Variants in ICAM4 observed in about 807,000 individuals in gnomAD.
ICAM4 encodes intercellular adhesion molecule 4 (Landsteiner-Wiener blood group).
Under a neutral mutation model 18.8 loss-of-function variants are expected in ICAM4, and 16 were observed. That is an observed-to-expected ratio of 0.85 (90% CI 0.58 to 1.29). The LOEUF is 1.29. Among genes scored for constraint, ICAM4 ranks in the 50% most tolerant of loss-of-function variants. The probability of loss-of-function intolerance (pLI) is 0.00; values close to 1 mark genes in which losing one functional copy is unlikely to be tolerated. For synonymous variants in ICAM4, 163 were observed against 163.2 expected (o/e 1.00, Z 0.01); for missense variants, 338 against 364.3 (o/e 0.93, Z 0.59).
At position 10,287,248 on chromosome 19, in the gene ICAM4, C is replaced by G. The variant is rs926989801; in HGVS notation, c.236C>G (p.Ser79Cys). Residue 79 changes from serine (S) to cysteine (C), a missense_variant, in exon 1 of 3, where the codon TCC becomes TGC. By Grantham distance (112) the Ser-to-Cys change is moderately radical. Transcript: ENST00000380770. The surrounding 1 kb of genome is among the most constrained non-coding windows in gnomAD (Gnocchi z 8.7). ...CSNSCPQPQN[S>C]SLRTPLRQGK... ...AACAGCTGTCCCCAGCCGCAGAATTCCAGCCTCCGCACCCCGCTGCGGCAA... is the reference window on the plus strand; with the variant it reads ...AACAGCTGTCCCCAGCCGCAGAATTGCAGCCTCCGCACCCCGCTGCGGCAA... The G allele has an allele frequency of 1.2e-6, 2 of 1,613,552 alleles. No homozygotes were observed. The highest frequency in any genetic ancestry group is 1.7e-6 in the Non-Finnish European group (2 of 1,179,978).
Position 10,288,284 on chromosome 19 carries a change from C to CA in ICAM4, c.*186dup, listed in dbSNP as rs2040138969. The stretch of plus-strand genomic sequence containing the variant: ...ACAACATAGTGAGACCCCGTCTATG[C>CA]AAAAAATACACAAATTAGCCTGGTG... On this transcript the variant is annotated 3_prime_UTR_variant, in exon 3 of 3. Coordinates refer to ENST00000380770, the MANE Select transcript of ICAM4 (RefSeq NM_001544.5). The CA allele has an allele frequency of 7.6e-6, 7 of 915,608 alleles. No individual in the cohort carries two copies. The highest frequency in any genetic ancestry group is 1.2e-5 in the Non-Finnish European group (7 of 587,520). 56.7% of individuals were successfully genotyped at this position (915,608 alleles called of 1,614,324 possible).
Position 10,287,999 on chromosome 19 carries a change from G to A in ICAM4, c.711G>A (p.Ala237=), listed in dbSNP as rs758114506. 4 of 1,614,030 alleles carry A rather than the reference G, an allele frequency of 2.5e-6. No individual in the cohort carries two copies. The highest frequency in any genetic ancestry group is 1.7e-5 in the Admixed American group (1 of 60,008). The stretch of plus-strand genomic sequence containing the variant: ...TTCTGCTCCCAGCTTGGAGCCCCGC[G>A]CCCACAGCTTTGGCCTCCGGTTCCA... ...PITLMLAWSP[A]PTALASGSIA... The change falls in exon 3 of 3, where the codon GCG becomes GCA. Residue 237 remains alanine (A), a synonymous_variant. Coordinates refer to ENST00000380770, the MANE Select transcript of ICAM4 (RefSeq NM_001544.5). This position sits in a 1 kb window ranked among gnomAD's most constrained non-coding sequence, Gnocchi z 8.7.
Position 10,288,242 on chromosome 19 carries a change from G to A in ICAM4, c.*138G>A, listed in dbSNP as rs56392518. 7.4e-7 allele frequency: 1 copy of A among 1,354,826 alleles called. No homozygotes were observed. Among genetic ancestry groups the A allele is most frequent in the Non-Finnish European group, 1.0e-6 (1 of 961,464 alleles). The allele number at this position is 1,354,826 out of a possible 1,614,324, so 83.9% of individuals were successfully genotyped here. A position where few individuals can be genotyped will look rare whatever the true frequency, so the allele number is the denominator to read the frequency against. On this transcript the variant is annotated 3_prime_UTR_variant, in exon 3 of 3. Transcript: ENST00000380770. ...GCAGGAGAATCGCTTGAGCCCAGGAGTTCGAGACCAGCCTGGACAACATAG... is the reference window on the plus strand; with the variant it reads ...GCAGGAGAATCGCTTGAGCCCAGGAATTCGAGACCAGCCTGGACAACATAG...
At position 10,287,435 on chromosome 19, in the gene ICAM4, G is replaced by C; in HGVS notation, c.394+29G>C. 2 of 1,591,224 alleles carry C rather than the reference G, an allele frequency of 1.3e-6. No individual in the cohort carries two copies. The highest frequency in any genetic ancestry group is 1.7e-6 in the Non-Finnish European group (2 of 1,167,658). On this transcript the variant is annotated intron_variant, in intron 1 of 2. Transcript: ENST00000380770. This position sits in a 1 kb window ranked among gnomAD's most constrained non-coding sequence, Gnocchi z 8.7. ...AGGGACAGGGGCTCGGTCCCGGCTGGGGTGAGGGGAGGGGGCTGGAAGAGG... is the reference window on the plus strand; with the variant it reads ...AGGGACAGGGGCTCGGTCCCGGCTGCGGTGAGGGGAGGGGGCTGGAAGAGG...
chr19:10,287,861 G>A lies in ICAM4; in HGVS notation c.697+23G>A. 8 of 1,608,494 alleles carry A rather than the reference G, an allele frequency of 5.0e-6. No individual in the cohort carries two copies. The highest frequency in any genetic ancestry group is 6.8e-6 in the Non-Finnish European group (8 of 1,179,144). On this transcript the variant is annotated intron_variant, in intron 2 of 2. Transcript: ENST00000380770. The surrounding 1 kb of genome is among the most constrained non-coding windows in gnomAD (Gnocchi z 8.7). ...TCGGTGAGGCACCCCTGTAACCCTG[G>A]GGACTAGGAGGAAGGGGGCAGAGAG...
rs2040124389 is a variant in ICAM4 at position 10,287,433 on chromosome 19, T to C, written c.394+27T>C. ...TGAGGGACAGGGGCTCGGTCCCGGC[T>C]GGGGTGAGGGGAGGGGGCTGGAAGA... On this transcript the variant is annotated intron_variant, in intron 1 of 2. Coordinates refer to ENST00000380770, the MANE Select transcript of ICAM4 (RefSeq NM_001544.5). The surrounding 1 kb of genome is among the most constrained non-coding windows in gnomAD (Gnocchi z 8.7). The C allele has an allele frequency of 6.3e-7, 1 of 1,591,440 alleles. No homozygotes were observed. The highest frequency in any genetic ancestry group is 8.6e-7 in the Non-Finnish European group (1 of 1,167,790).
In ICAM4 at chr19:10,287,566, C is replaced by T; in HGVS notation, c.425C>T (p.Pro142Leu). 3 of 1,613,752 alleles carry T rather than the reference C, an allele frequency of 1.9e-6. No homozygotes were observed. Among genetic ancestry groups the T allele is most frequent in the Non-Finnish European group, 2.5e-6 (3 of 1,179,766 alleles). ...KPPHSVILEP[P>L]VLKGRKYTLR... is the part of the protein sequence containing the mutation. ...CCCCACAGCGTGATTTTGGAGCCTC[C>T]GGTCTTAAAGGGCAGGAAATACACT... Residue 142 changes from proline to leucine, a missense_variant, in exon 2 of 3, where the codon CCG (proline) becomes CTG (leucine). Pro to Leu is a moderately conservative substitution (Grantham distance 98). Transcript: ENST00000380770. This position sits in a 1 kb window ranked among gnomAD's most constrained non-coding sequence, Gnocchi z 8.7.
Position 10,287,527 on chromosome 19 carries a change from T to C in ICAM4, c.395-9T>C, listed in dbSNP as rs1599274443. The C allele has an allele frequency of 1.6e-5, 25 of 1,610,178 alleles. No individual in the cohort carries two copies. Among genetic ancestry groups the C allele is most frequent in the Non-Finnish European group, 2.0e-5 (24 of 1,177,338 alleles). The stretch of plus-strand genomic sequence containing the variant: ...GCGGACCTCACTCAGAGGCTCCCCC[T>C]TGCCTTAGAACCGCCCCACAGCGTG... On this transcript the variant is annotated splice_polypyrimidine_tract_variant and intron_variant, in intron 1 of 2. Transcript: ENST00000380770. This position sits in a 1 kb window ranked among gnomAD's most constrained non-coding sequence, Gnocchi z 8.7.
Position 10,286,999 on chromosome 19 carries a change from C to G in ICAM4, c.-14C>G. 6.7e-7 allele frequency: 1 copy of G among 1,498,458 alleles called. No homozygotes were observed. The highest frequency in any genetic ancestry group is 1.4e-5 in the African/African-American group (1 of 71,830). 92.8% of individuals were successfully genotyped at this position (1,498,458 alleles called of 1,614,324 possible). A position where few individuals can be genotyped will look rare whatever the true frequency, so the allele number is the denominator to read the frequency against. ...GCTCTCTGGCGCGGGGCCCCTTAGT[C>G]CGGGCTTTTTGCCATGGGGTCTCTG... On this transcript the variant is annotated 5_prime_UTR_variant, in exon 1 of 3. Coordinates refer to ENST00000380770, the MANE Select transcript of ICAM4 (RefSeq NM_001544.5).
Position 10,286,967 on chromosome 19 carries a change from G to A in ICAM4, c.-46G>A. ...TGCGGGCCTCCTTATCTCTAGAGCCGGCCCTGGCTCTCTGGCGCGGGGCCC... is the reference window on the plus strand; with the variant it reads ...TGCGGGCCTCCTTATCTCTAGAGCCAGCCCTGGCTCTCTGGCGCGGGGCCC... On this transcript the variant is annotated 5_prime_UTR_variant, in exon 1 of 3. Coordinates refer to ENST00000380770, the MANE Select transcript of ICAM4 (RefSeq NM_001544.5). The A allele has an allele frequency of 6.8e-7, 1 of 1,461,628 alleles. No homozygotes were observed. The highest frequency in any genetic ancestry group is 9.0e-7 in the Non-Finnish European group (1 of 1,112,404). 90.5% of individuals were successfully genotyped at this position (1,461,628 alleles called of 1,614,324 possible).
chr19:10,287,081 G>C lies in ICAM4; in HGVS notation c.69G>C (p.Ala23=), dbSNP rs893969109. 6.3e-7 allele frequency: 1 copy of C among 1,592,944 alleles called. No individual in the cohort carries two copies. The highest frequency in any genetic ancestry group is 8.6e-7 in the Non-Finnish European group (1 of 1,166,798). The change falls in exon 1 of 3, where the codon GCG becomes GCC. Residue 23 remains alanine, a synonymous_variant. Coordinates refer to ENST00000380770, the MANE Select transcript of ICAM4 (RefSeq NM_001544.5). This position sits in a 1 kb window ranked among gnomAD's most constrained non-coding sequence, Gnocchi z 8.7. ...LAAAYPGVGS[A]LGRRTKRAQS... is the part of the protein sequence containing the mutation. ...CCGCCTACCCGGGAGTTGGGAGCGC[G>C]CTGGGACGCCGGACTAAGCGGGCGC... is the stretch of plus-strand genomic sequence containing the variant.
In ICAM4 at chr19:10,288,184, A is replaced by G. The variant is rs750564722; in HGVS notation, c.*80A>G. ...GGGAAATGGCCATACATGGTGGCTG[A>G]CGCCTGTAATCCCAGCACTTTGGGA... On this transcript the variant is annotated 3_prime_UTR_variant, in exon 3 of 3. Coordinates refer to ENST00000380770, the MANE Select transcript of ICAM4 (RefSeq NM_001544.5). The G allele has an allele frequency of 1.7e-5, 28 of 1,610,442 alleles. No homozygotes were observed. The highest frequency in any genetic ancestry group is 2.3e-5 in the Non-Finnish European group (27 of 1,177,816).
In ICAM4 at chr19:10,287,838, G is replaced by A. The variant is rs571059786; in HGVS notation, c.697G>A (p.Ala233Thr). 3 of 1,610,512 alleles carry A rather than the reference G, an allele frequency of 1.9e-6. No homozygotes were observed. Among genetic ancestry groups the A allele is most frequent in the South Asian group, 1.1e-5 (1 of 91,064 alleles). Reference sequence around the variant, plus strand: ...CTCGGCACCCATTACACTGATGCTCGGTGAGGCACCCCTGTAACCCTGGGG... The same window carrying A: ...CTCGGCACCCATTACACTGATGCTCAGTGAGGCACCCCTGTAACCCTGGGG... ...NSSAPITLML[A>T]WSPAPTALAS... The change falls in exon 2 of 3, where the codon GCT (alanine) becomes ACT (threonine). Residue 233 changes from alanine (A) to threonine (T), a missense_variant and splice_region_variant. Transcript: ENST00000380770. This position sits in a 1 kb window ranked among gnomAD's most constrained non-coding sequence, Gnocchi z 8.7.
Position 10,287,247 on chromosome 19 carries a change from T to TC in ICAM4, c.237dup (p.Ser80GlnfsTer220), listed in dbSNP as rs1568297186. 2 of 1,613,462 alleles carry TC rather than the reference T, an allele frequency of 1.2e-6. No homozygotes were observed. Among genetic ancestry groups the TC allele is most frequent in the South Asian group, 2.2e-5 (2 of 91,076 alleles). ...CAACAGCTGTCCCCAGCCGCAGAAT[T>TC]CCAGCCTCCGCACCCCGCTGCGGCA... On this transcript the variant is annotated frameshift_variant, in exon 1 of 3. Transcript: ENST00000380770. LOFTEE classifies it high-confidence loss of function. The surrounding 1 kb of genome is among the most constrained non-coding windows in gnomAD (Gnocchi z 8.7).
Position 10,287,036 on chromosome 19 carries a change from G to C in ICAM4, c.24G>C (p.Ser8=). 1 of 1,558,606 alleles carries C rather than the reference G, an allele frequency of 6.4e-7. No individual in the cohort carries two copies. The highest frequency in any genetic ancestry group is 8.7e-7 in the Non-Finnish European group (1 of 1,151,734). The change falls in exon 1 of 3, where the codon TCG becomes TCC. Residue 8 remains serine (S), a synonymous_variant. Transcript: ENST00000380770. The surrounding 1 kb of genome is among the most constrained non-coding windows in gnomAD (Gnocchi z 8.7). MGSLFPL[S]LLFFLAAAYP... is the part of the protein sequence containing the mutation. ...CCATGGGGTCTCTGTTCCCTCTGTC[G>C]CTGCTGTTTTTTTTGGCGGCCGCCT...
Position 10,288,134 on chromosome 19 carries a change from A to C in ICAM4, c.*30A>C, listed in dbSNP as rs747607311. 6.2e-7 allele frequency: 1 copy of C among 1,614,126 alleles called. No individual in the cohort carries two copies. Among genetic ancestry groups the C allele is most frequent in the Non-Finnish European group, 8.5e-7 (1 of 1,180,026 alleles). ...GGATGTTCTATGCCGGCTGAGCGAG[A>C]AAAAGAGGAATATGAAACAATCTGG... On this transcript the variant is annotated 3_prime_UTR_variant, in exon 3 of 3. Coordinates refer to ENST00000380770, the MANE Select transcript of ICAM4 (RefSeq NM_001544.5).
rs1031181728 is a variant in ICAM4 at position 10,287,154 on chromosome 19, T to C, written c.142T>C (p.Phe48Leu). 1.9e-6 allele frequency: 3 copies of C among 1,611,106 alleles called. No individual in the cohort carries two copies. Among genetic ancestry groups the C allele is most frequent in the Non-Finnish European group, 2.5e-6 (3 of 1,178,538 alleles). The stretch of plus-strand genomic sequence containing the variant: ...CGCGCCCTCCGGGACCTCAGTGCCC[T>C]TCTGGGTGCGCATGAGCCCGGAGTT... ...PLAPSGTSVPFWVRMSPEFVA... is the reference protein window; with the variant it reads ...PLAPSGTSVPLWVRMSPEFVA... Residue 48 changes from phenylalanine to leucine, a missense_variant, in exon 1 of 3, where the codon TTC becomes CTC. Coordinates refer to ENST00000380770, the MANE Select transcript of ICAM4 (RefSeq NM_001544.5). The surrounding 1 kb of genome is among the most constrained non-coding windows in gnomAD (Gnocchi z 8.7).
rs375526250 is a variant in ICAM4 at position 10,287,487 on chromosome 19, C to G, written c.395-49C>G. The G allele has an allele frequency of 1.9e-6, 3 of 1,598,612 alleles. No homozygotes were observed. The highest frequency in any genetic ancestry group is 1.3e-5 in the African/African-American group (1 of 74,486). ...GGGGGAAGGGTAGTTGACAGTCGCTCTATAGGGAGCGCCCGCGGACCTCAC... is the reference window on the plus strand; with the variant it reads ...GGGGGAAGGGTAGTTGACAGTCGCTGTATAGGGAGCGCCCGCGGACCTCAC... On this transcript the variant is annotated intron_variant, in intron 1 of 2. Coordinates refer to ENST00000380770, the MANE Select transcript of ICAM4 (RefSeq NM_001544.5). This position sits in a 1 kb window ranked among gnomAD's most constrained non-coding sequence, Gnocchi z 8.7.
At position 10,287,278 on chromosome 19, in the gene ICAM4, AGACGCTCAGAG is replaced by A. The variant is rs752921440; in HGVS notation, c.268_278del (p.Thr90AlafsTer206). 1 of 1,613,798 alleles carries A rather than the reference AGACGCTCAGAG, an allele frequency of 6.2e-7. No homozygotes were observed. Among genetic ancestry groups the A allele is most frequent in the South Asian group, 1.1e-5 (1 of 91,090 alleles). ...CTCCGCACCCCGCTGCGGCAAGGCA[AGACGCTCAGAG>A]GGCCGGGTTGGGTGTCTTACCAGCT... On this transcript the variant is annotated frameshift_variant, in exon 1 of 3. Transcript: ENST00000380770. LOFTEE classifies it high-confidence loss of function. The surrounding 1 kb of genome is among the most constrained non-coding windows in gnomAD (Gnocchi z 8.7).
Sources: gnomAD v4.1 joint callset for allele counts on GRCh38, gnomAD v4.1.1 for gene constraint, Gnocchi (gnomAD v3.1) non-coding constraint, MANE v1.5 for transcripts, NCBI Gene and HGNC (gene_info 2026-07-23, HGNC 2026-07-21) for gene names.